Variants in MEOX2 observed in about 807,000 individuals in gnomAD.
MEOX2 encodes homeobox protein MOX-2.
A neutral mutation model predicts 27.0 loss-of-function variants in MEOX2; 11 were observed. The ratio of observed to expected loss-of-function variants is 0.41; its 90% CI spans 0.26 to 0.68. The LOEUF (loss-of-function observed/expected upper bound fraction) is 0.68, where lower values mean the gene tolerates loss of function less well. MEOX2 is among the 30% of genes least tolerant of loss of function. The pLI is 0.33. For synonymous variants in MEOX2, 189 were observed against 155.4 expected, an observed-to-expected ratio of 1.22 and a Z score of -1.61; for missense variants, 436 against 385.4, an observed-to-expected ratio of 1.13 and a Z score of -1.10.
intron 1 of MEOX2, among the ~76,000 whole-genome samples, chr7:15,657,198 C>T (rs1369167074): frequency 6.6e-6 from 1 of 151,996 alleles, no homozygotes; most frequent in Non-Finnish European, 1.5e-5. Flanking sequence ...TTTTAGGATT[C>T]TCGCAGCTGC....
intron 1 of MEOX2, among the ~76,000 whole-genome samples, chr7:15,668,654 T>A (rs971976424): frequency 6.6e-6 from 1 of 152,074 alleles, no homozygotes; most frequent in Non-Finnish European, 1.5e-5. Flanking sequence ...TTTTGTATTT[T>A]TAGTAGAGAT....
intron 1 of MEOX2, among the ~76,000 whole-genome samples, chr7:15,658,189 T>C (rs1279374649): frequency 3.9e-5 from 6 of 152,188 alleles, no homozygotes; most frequent in Non-Finnish European, 5.9e-5. Context: ...GATGAGTAAC[T>C]CATTACTGCC....
chr7:15,638,940 C>T (rs1781522885), intron 1 of MEOX2, among the ~76,000 whole-genome samples: 1 of 152,046 alleles, frequency 6.6e-6, no homozygotes, highest in African/African-American at 2.4e-5. Context: ...CTGTGATAAA[C>T]ATGATAAAAA....
chr7:15,638,050 G>A (rs1198467525), intron 1 of MEOX2, among the ~76,000 whole-genome samples: 2 of 151,856 alleles, frequency 1.3e-5, no homozygotes, highest in African/African-American at 2.4e-5. Flanking sequence ...ACTTTCATTT[G>A]ACACGTAACA....
chr7:15,685,801 C>T (rs1288561630), intron 1 of MEOX2, 85 bp downstream of exon 1: 2 of 1,489,840 alleles, frequency 1.3e-6, no homozygotes, highest in African/African-American at 1.4e-5. Flanking sequence ...TGCTGCCACC[C>T]TCCAGTGCGA....
In MEOX2 at chr7:15,613,435, T is replaced by C. The variant is rs535075951; in HGVS notation, c.691-824A>G. On this transcript the variant is annotated intron_variant, in intron 2 of 2. Coordinates refer to ENST00000262041, the MANE Select transcript of MEOX2 (RefSeq NM_005924.5). ...ACAGACATTAAAGGTCTATACATTA[T>C]CAGAACTAGAATATAATTGGCATTA... Among the ~76,000 whole-genome samples the C allele has an allele frequency of 4.7e-4, 71 of 151,742 alleles. 3 individuals are homozygous for C. The South Asian group carries it at 0.015, about 31-fold the overall frequency.
chr7:15,666,787 T>TAC (rs1782015532), intron 1 of MEOX2, among the ~76,000 whole-genome samples: 1 of 78,302 alleles, frequency 1.3e-5, no homozygotes, highest in Non-Finnish European at 2.8e-5. Context: ...AAAATATATA[T>TAC]ATATATATAT....
chr7:15,617,869 TA>T (rs1195996732), intron 2 of MEOX2, among the ~76,000 whole-genome samples: 2 of 152,102 alleles, frequency 1.3e-5, no homozygotes, highest in African/African-American at 4.8e-5. Flanking sequence ...TCATAACATT[TA>T]AAATTACACA....
chr7:15,655,855 C>T (rs1781811583), intron 1 of MEOX2, among the ~76,000 whole-genome samples: 1 of 151,624 alleles, frequency 6.6e-6, no homozygotes, highest in Admixed American at 6.6e-5. Flanking sequence ...CTATACATGT[C>T]CATTAGGTCT....
chr7:15,656,716 CAAT>C (rs1285764511), intron 1 of MEOX2, among the ~76,000 whole-genome samples: 1 of 151,774 alleles, frequency 6.6e-6, no homozygotes, highest in Admixed American at 6.6e-5. Context: ...CTTTATGTAA[CAAT>C]AATAACATAA....
At chr7:15,652,574 A>G (rs910133562) in intron 1 of MEOX2, among the ~76,000 whole-genome samples, 1 of 152,072 alleles carries the variant, frequency 6.6e-6, no homozygotes, top group Non-Finnish European at 1.5e-5. Flanking sequence ...ACAAATAAAG[A>G]TATTCTAAAA....
At chr7:15,649,321 G>A (rs1050737534) in intron 1 of MEOX2, among the ~76,000 whole-genome samples, 3 of 152,014 alleles carry the variant, frequency 2.0e-5, no homozygotes, top group African/African-American at 7.2e-5. Context: ...AAAATAGTGT[G>A]CAGTAAGGGT....
chr7:15,662,970 A>C (rs1781939826), intron 1 of MEOX2, among the ~76,000 whole-genome samples: 1 of 152,162 alleles, frequency 6.6e-6, no homozygotes, highest in Non-Finnish European at 1.5e-5. Context: ...CCCCACAATT[A>C]AGAGGCCTCC....
chr7:15,676,068 C>T (rs1207686668), intron 1 of MEOX2: 1 of 152,112 alleles, frequency 6.6e-6, no homozygotes, highest in Non-Finnish European at 1.5e-5. Flanking sequence ...TCGCTGAAGT[C>T]ATGTCTGAAT....
chr7:15,660,243 C>T (rs975578113), intron 1 of MEOX2, among the ~76,000 whole-genome samples: 2 of 152,188 alleles, frequency 1.3e-5, no homozygotes, highest in Non-Finnish European at 1.5e-5. Context: ...TCATACTCTT[C>T]TGGGACTAAA....
rs545804961 is a variant in MEOX2 at position 15,612,091 on chromosome 7, T to A, written c.*296A>T. On this transcript the variant is annotated 3_prime_UTR_variant, in exon 3 of 3. Coordinates refer to ENST00000262041, the MANE Select transcript of MEOX2 (RefSeq NM_005924.5). ...GTTCATAGTTTGCTCTTGATAGCAATTTAATTTTCAGTGCAAGCAAAAGCA... is the reference window on the plus strand; with the variant it reads ...GTTCATAGTTTGCTCTTGATAGCAAATTAATTTTCAGTGCAAGCAAAAGCA... The A allele has an allele frequency of 4.9e-5, 19 of 390,732 alleles. No individual in the cohort carries two copies. The South Asian group carries it at 7.1e-4, about 15-fold the overall frequency. The allele number at this position is 390,732 out of a possible 1,614,324, so 24.2% of individuals were successfully genotyped here.
intron 1 of MEOX2, among the ~76,000 whole-genome samples, chr7:15,644,592 C>T (rs1781615021): frequency 6.6e-6 from 1 of 152,132 alleles, no homozygotes; most frequent in African/African-American, 2.4e-5. Flanking sequence ...CTTTCTGCAG[C>T]TCATCTCCTT....
At chr7:15,645,551 T>C (rs1009901128) in intron 1 of MEOX2, among the ~76,000 whole-genome samples, 3 of 152,184 alleles carry the variant, frequency 2.0e-5, no homozygotes, top group Admixed American at 6.6e-5. Context: ...ATTGAAAATA[T>C]TTCTACATTG....
chr7:15,616,183 C>T (rs904109902), intron 2 of MEOX2, among the ~76,000 whole-genome samples: 4 of 151,512 alleles, frequency 2.6e-5, no homozygotes, highest in African/African-American at 9.7e-5. Flanking sequence ...AACTCTAATA[C>T]CTTATATACT....
Sources: gnomAD v4.1 joint callset for allele counts (sites outside exome capture counted in the v4.1 genomes callset) on GRCh38, gnomAD v4.1.1 for gene constraint, MANE v1.5 for transcripts, NCBI Gene and HGNC (gene_info 2026-07-23, HGNC 2026-07-21) for gene names.